SLC12A9: variants seen among roughly 807,000 people sequenced by gnomAD.
SLC12A9 encodes solute carrier family 12 member 9, also known as CCC-interacting protein 1.
In SLC12A9, 55 loss-of-function variants were observed where a neutral mutation model predicts 66.0. That is an observed-to-expected ratio of 0.83 (90% CI 0.67 to 1.04). The LOEUF is 1.04. SLC12A9 is among the 50% of genes least tolerant of loss of function. SLC12A9 has a pLI of 0.00. For synonymous variants in SLC12A9, 577 were observed against 569.0 expected (o/e 1.01, Z -0.20); for missense variants, 1,061 against 1,241.9 (o/e 0.85, Z 2.19).
chr7:100,854,399 G>T (rs202246969), intron 2 of SLC12A9, 21 bp downstream of exon 2: 1 of 1,610,844 alleles, frequency 6.2e-7, no homozygotes, highest in Admixed American at 1.7e-5. Flanking sequence ...CCTGGGGCGG[G>T]TGTGGACTGA....
chr7:100,842,921 G>A (rs1326885503), intron 1 of SLC12A9, among the ~76,000 whole-genome samples: 1 of 152,274 alleles, frequency 6.6e-6, no homozygotes, highest in African/African-American at 2.4e-5. Context: ...GCACCCTGCG[G>A]GTCAGCCCCT....
chr7:100,858,597 T>A (rs546497244), intron 5 of SLC12A9: 10 of 402,036 alleles, frequency 2.5e-5, no homozygotes, highest in Admixed American at 1.2e-4. Context: ...CTCTAAAAAA[T>A]AAATAAATAA....
At chr7:100,841,086 T>C (rs560446039) in intron 1 of SLC12A9, among the ~76,000 whole-genome samples, 1 of 152,270 alleles carries the variant, frequency 6.6e-6, no homozygotes, top group South Asian at 2.1e-4. Flanking sequence ...AAGAATTTTT[T>C]TTCCTTAGGG....
chr7:100,862,440 G>A (rs914510546), intron 12 of SLC12A9, among the ~76,000 whole-genome samples: 3 of 152,160 alleles, frequency 2.0e-5, no homozygotes, highest in African/African-American at 7.2e-5. Context: ...TAGAGATGAG[G>A]TCTCTTTATG....
At chr7:100,860,616 G>A in intron 9 of SLC12A9, 2 of 363,236 alleles carry the variant, frequency 5.5e-6, no homozygotes, top group South Asian at 4.7e-5. Flanking sequence ...GGGGTTCACT[G>A]ATACTTTGGA....
chr7:100,837,333 T>C (rs1332056782), intron 1 of SLC12A9: 1 of 147,404 alleles, frequency 6.8e-6, no homozygotes, highest in Non-Finnish European at 1.5e-5. Context: ...GAATTATTAT[T>C]TTTTCCATTA....
chr7:100,846,460 G>A (rs1175890311), intron 1 of SLC12A9, among the ~76,000 whole-genome samples: 1 of 152,032 alleles, frequency 6.6e-6, no homozygotes, highest in African/African-American at 2.4e-5. Context: ...CCAGTTACTC[G>A]GGAGGCTGAG....
Position 100,865,845 on chromosome 7 carries a change from T to C in SLC12A9, c.1985T>C (p.Leu662Pro), listed in dbSNP as rs763332677. ...ACCAGGGAGGGCAGTTCCCCAGCTC[T>C]GAGCACCCTGTTCCCTCCTCCCCGG... ...DSTREGSSPA[L>P]STLFPPPRAP... Residue 662 changes from leucine to proline, a missense_variant, in exon 14 of 14, where the codon CTG (leucine) becomes CCG (proline). Leu to Pro is a moderately conservative substitution (Grantham distance 98). Transcript: ENST00000354161. The C allele has an allele frequency of 1.2e-6, 2 of 1,613,820 alleles. No homozygotes were observed. The highest frequency in any genetic ancestry group is 1.7e-6 in the Non-Finnish European group (2 of 1,180,016).
At chr7:100,863,254 G>A (rs1814874234) in intron 13 of SLC12A9, among the ~76,000 whole-genome samples, 1 of 151,908 alleles carries the variant, frequency 6.6e-6, no homozygotes, top group South Asian at 2.1e-4. Flanking sequence ...TAGTAGAGAT[G>A]GGGGTTTCAC....
rs763909769 is a variant in SLC12A9 at position 100,866,428 on chromosome 7, G to A, written c.2568G>A (p.Pro856=). The A allele has an allele frequency of 2.0e-5, 31 of 1,547,226 alleles. No individual in the cohort carries two copies. Among genetic ancestry groups the A allele is most frequent in the Non-Finnish European group, 2.4e-5 (27 of 1,145,432 alleles). Reference sequence around the variant, plus strand: ...GCACAGGAGGAGGGCCGGGTGGGCCGGAGGGTGGGGATGCTGAGGGCCCCA... The same window carrying A: ...GCACAGGAGGAGGGCCGGGTGGGCCAGAGGGTGGGGATGCTGAGGGCCCCA... ...GRGTGGGPGG[P]EGGDAEGPIT... The change falls in exon 14 of 14, where the codon CCG becomes CCA. Residue 856 remains proline, a synonymous_variant. Transcript: ENST00000354161. This position sits in a 1 kb window ranked among gnomAD's most constrained non-coding sequence, Gnocchi z 7.3.
At position 100,861,876 on chromosome 7, in the gene SLC12A9, T is replaced by A; in HGVS notation, c.1676T>A (p.Leu559Gln). The A allele has an allele frequency of 6.2e-7, 1 of 1,612,678 alleles. No individual in the cohort carries two copies. The highest frequency in any genetic ancestry group is 1.1e-5 in the South Asian group (1 of 90,930). Reference sequence around the variant, plus strand: ...GCCAACCAGCTTAAGAAGGGGGGGCTGTATGTGCTGGGCCACGTCACCCTG... The same window carrying A: ...GCCAACCAGCTTAAGAAGGGGGGGCAGTATGTGCTGGGCCACGTCACCCTG... ...RLANQLKKGG[L>Q]YVLGHVTLGD... Residue 559 changes from leucine (L) to glutamine (Q), a missense_variant, in exon 12 of 14, where the codon CTG becomes CAG. By Grantham distance (113) the Leu-to-Gln change is moderately radical (BLOSUM62 -2). Transcript: ENST00000354161. The surrounding 1 kb of genome is among the most constrained non-coding windows in gnomAD (Gnocchi z 5.3).
intron 8 of SLC12A9, 51 bp downstream of exon 8, chr7:100,860,093 C>G: frequency 6.2e-7 from 1 of 1,613,926 alleles, no homozygotes; most frequent in South Asian, 1.1e-5. Context: ...CCTTGTCTGT[C>G]TCTCCGTCCC....
At chr7:100,858,464 C>G in intron 5 of SLC12A9, 1 of 186,528 alleles carries the variant, frequency 5.4e-6, no homozygotes, top group South Asian at 1.1e-4. Flanking sequence ...GTGGTGCACA[C>G]CTGTAGTCCC....
chr7:100,826,988 C>T, exon 1 of SLC12A9: 1 of 1,565,998 alleles, frequency 6.4e-7, no homozygotes. Context: ...CCTTCCAAAG[C>T]TGCGGCCAAC....
chr7:100,837,389 C>T (rs1277450469), intron 1 of SLC12A9: 7 of 152,242 alleles, frequency 4.6e-5, no homozygotes, highest in African/African-American at 7.2e-5. Context: ...ACAATTCGCG[C>T]CTTCCCAGGA....
Position 100,866,094 on chromosome 7 carries a change from G to A in SLC12A9, c.2234G>A (p.Gly745Asp). 1 of 1,613,020 alleles carries A rather than the reference G, an allele frequency of 6.2e-7. No individual in the cohort carries two copies. The change falls in exon 14 of 14, where the codon GGC (glycine) becomes GAC (aspartate). Residue 745 changes from glycine (G) to aspartate (D), a missense_variant. By Grantham distance (94) the Gly-to-Asp change is moderately conservative. Coordinates refer to ENST00000354161, the MANE Select transcript of SLC12A9 (RefSeq NM_020246.4). This position sits in a 1 kb window ranked among gnomAD's most constrained non-coding sequence, Gnocchi z 7.3. ...GGGCCCGGCTATGTGGATGTCTGCG[G>A]CCTCTTCCTGCTGCAGATGGCAACC... ...RGGPGYVDVC[G>D]LFLLQMATIL...
chr7:100,827,696 G>C (rs561449744), intron 1 of SLC12A9, among the ~76,000 whole-genome samples: 2 of 152,202 alleles, frequency 1.3e-5, no homozygotes, highest in East Asian at 3.9e-4. Flanking sequence ...GGGAAGTTGA[G>C]AGAAAGTTTG....
At chr7:100,835,347 T>A (rs1183548777) in intron 1 of SLC12A9, among the ~76,000 whole-genome samples, 1 of 137,232 alleles carries the variant, frequency 7.3e-6, no homozygotes, top group East Asian at 2.0e-4. Context: ...AAAGCGAGGC[T>A]CTGTCTTTAA....
chr7:100,866,434 T>C lies in SLC12A9; in HGVS notation c.2574T>C (p.Gly858=). The C allele has an allele frequency of 6.5e-7, 1 of 1,548,044 alleles. No homozygotes were observed. Among genetic ancestry groups the C allele is most frequent in the South Asian group, 1.2e-5 (1 of 83,880 alleles). ...GTGGGPGGPE[G]GDAEGPITAL... is the part of the protein sequence containing the mutation. ...GAGGAGGGCCGGGTGGGCCGGAGGG[T>C]GGGGATGCTGAGGGCCCCATCACAG... The change falls in exon 14 of 14, where the codon GGT becomes GGC. Residue 858 remains glycine, a synonymous_variant. Transcript: ENST00000354161. The surrounding 1 kb of genome is among the most constrained non-coding windows in gnomAD (Gnocchi z 7.3).
Sources: gnomAD v4.1 joint callset for allele counts (sites outside exome capture counted in the v4.1 genomes callset) on GRCh38, gnomAD v4.1.1 for gene constraint, Gnocchi (gnomAD v3.1) non-coding constraint, MANE v1.5 for transcripts, NCBI Gene and HGNC (gene_info 2026-07-23, HGNC 2026-07-21) for gene names.